Variants in ESRRG observed in about 807,000 individuals in gnomAD.
ESRRG encodes the protein estrogen related receptor gamma, also known as estrogen-related receptor gamma.
In ESRRG, 13 loss-of-function variants were observed where a neutral mutation model predicts 44.0. The observed-to-expected ratio is 0.30, with a 90% CI of 0.19 to 0.47. The LOEUF is 0.47. ESRRG is among the 20% of genes least tolerant of loss of function. ESRRG has a pLI of 1.00. For missense variants in ESRRG, 395 were observed against 580.6 expected, an observed-to-expected ratio of 0.68 and a Z score of 3.29; for synonymous variants, 215 against 214.6, an observed-to-expected ratio of 1.00 and a Z score of -0.02.
At chr1:216,528,339 A>C (rs2048303534) in intron 5 of ESRRG, among the ~76,000 whole-genome samples, 2 of 152,150 alleles carry the variant, frequency 1.3e-5, no homozygotes, top group Non-Finnish European at 2.9e-5. Context: ...AGTTCTCTTC[A>C]ATTTAGAAGT....
chr1:216,935,286 C>CA (rs1230857154), intron 2 of ESRRG, among the ~76,000 whole-genome samples: 1 of 152,170 alleles, frequency 6.6e-6, no homozygotes, highest in East Asian at 1.9e-4. Context: ...CTTCAGACAT[C>CA]AACTGAAAGT....
At chr1:216,823,871 C>T (rs1188202016) in intron 2 of ESRRG, among the ~76,000 whole-genome samples, 1 of 152,134 alleles carries the variant, frequency 6.6e-6, no homozygotes. Context: ...AAGCCATATT[C>T]ACATCCTTAG....
intron 1 of ESRRG, among the ~76,000 whole-genome samples, chr1:217,129,661 A>G (rs2092938502): frequency 6.6e-6 from 1 of 152,238 alleles, no homozygotes; most frequent in Non-Finnish European, 1.5e-5. Flanking sequence ...GAACCTTCAT[A>G]ACAAATGAAG....
At chr1:216,610,137 T>C (rs1466086858) in intron 3 of ESRRG, among the ~76,000 whole-genome samples, 1 of 152,144 alleles carries the variant, frequency 6.6e-6, no homozygotes. Context: ...ATATGAGTTA[T>C]TAAAATAGGC....
intron 2 of ESRRG, among the ~76,000 whole-genome samples, chr1:216,799,931 G>A (rs948776519): frequency 6.6e-6 from 1 of 152,092 alleles, no homozygotes; most frequent in Non-Finnish European, 1.5e-5. Context: ...TCTTGAGGAA[G>A]GGGAGTCTCC....
intron 1 of ESRRG, among the ~76,000 whole-genome samples, chr1:217,113,697 T>G (rs924733706): frequency 6.6e-6 from 1 of 152,198 alleles, no homozygotes; most frequent in Admixed American, 6.5e-5. Context: ...ACTCCTCCCT[T>G]TAAGAATCTG....
chr1:217,060,425 G>C (rs1396928473), intron 1 of ESRRG, among the ~76,000 whole-genome samples: 1 of 152,056 alleles, frequency 6.6e-6, no homozygotes, highest in Admixed American at 6.6e-5. Flanking sequence ...GATTTCATGA[G>C]TCCAGCAACT....
chr1:216,709,037 G>A (rs2083014810), intron 1 of ESRRG, among the ~76,000 whole-genome samples: 2 of 152,038 alleles, frequency 1.3e-5, no homozygotes, highest in African/African-American at 4.8e-5. Flanking sequence ...GACACAGGGA[G>A]GGGAACAACA....
intron 3 of ESRRG, among the ~76,000 whole-genome samples, chr1:216,626,542 A>T (rs2063218462): frequency 2.0e-5 from 3 of 151,700 alleles, no homozygotes; most frequent in Non-Finnish European, 4.4e-5. Context: ...CTCCCCTTTC[A>T]CTCCCCAAAT....
intron 5 of ESRRG, among the ~76,000 whole-genome samples, chr1:216,526,678 G>T (rs1034449714): frequency 2.6e-5 from 4 of 152,164 alleles, no homozygotes; most frequent in African/African-American, 7.2e-5. Context: ...TCTGTCAATT[G>T]CAAACTGTGG....
chr1:216,953,868 T>G (rs2067429834), intron 1 of ESRRG, among the ~76,000 whole-genome samples: 1 of 152,062 alleles, frequency 6.6e-6, no homozygotes, highest in African/African-American at 2.4e-5. Context: ...TAATTATAAC[T>G]ATTAAAACAA....
chr1:217,094,825 A>G (rs2092399116), intron 1 of ESRRG, among the ~76,000 whole-genome samples: 1 of 152,252 alleles, frequency 6.6e-6, no homozygotes, highest in African/African-American at 2.4e-5. Flanking sequence ...ACATGGTACA[A>G]ACTCTGGGAA....
chr1:216,739,727 T>G (rs1483026205), intron 2 of ESRRG, among the ~76,000 whole-genome samples: 1 of 152,156 alleles, frequency 6.6e-6, no homozygotes, highest in South Asian at 2.1e-4. Flanking sequence ...AAAACCCAGC[T>G]CACTGCTAAC....
At chr1:216,660,734 G>A (rs373154080) in intron 2 of ESRRG, among the ~76,000 whole-genome samples, 4 of 152,172 alleles carry the variant, frequency 2.6e-5, no homozygotes, top group East Asian at 1.9e-4. Context: ...GTCTTTTGCT[G>A]TTGTCAGACT....
chr1:216,997,002 C>A (rs779246922), intron 1 of ESRRG, among the ~76,000 whole-genome samples: 2 of 152,026 alleles, frequency 1.3e-5, no homozygotes, highest in Non-Finnish European at 2.9e-5. Flanking sequence ...CCACAGGAAA[C>A]GGGCATTTTT....
chr1:216,914,325 A>G (rs1452148361), intron 2 of ESRRG, among the ~76,000 whole-genome samples: 1 of 152,190 alleles, frequency 6.6e-6, no homozygotes, highest in African/African-American at 2.4e-5. Flanking sequence ...ACTTGACTCT[A>G]GTGTAGTATC....
At chr1:216,825,877 T>C (rs1190577163) in intron 2 of ESRRG, among the ~76,000 whole-genome samples, 1 of 152,214 alleles carries the variant, frequency 6.6e-6, no homozygotes, top group Non-Finnish European at 1.5e-5. Context: ...CTTCCCATTC[T>C]GATTTATCCA....
intron 1 of ESRRG, among the ~76,000 whole-genome samples, chr1:216,973,823 T>C (rs1047562183): frequency 8.4e-6 from 1 of 118,700 alleles, no homozygotes; most frequent in African/African-American, 3.3e-5. Flanking sequence ...TGAAACTCTG[T>C]CTCAAAAAAA....
intron 3 of ESRRG, among the ~76,000 whole-genome samples, chr1:216,625,323 G>A (rs2062984814): frequency 6.7e-6 from 1 of 148,748 alleles, no homozygotes; most frequent in Non-Finnish European, 1.5e-5. Flanking sequence ...GGTCCACCCT[G>A]CTTATCAATC....
Sources: gnomAD v4.1 joint callset for allele counts (sites outside exome capture counted in the v4.1 genomes callset) on GRCh38, gnomAD v4.1.1 for gene constraint, MANE v1.5 for transcripts, NCBI Gene and HGNC (gene_info 2026-07-23, HGNC 2026-07-21) for gene names.